Variants in ADGRE2 observed in about 807,000 individuals in gnomAD.
ADGRE2 encodes the protein CD97 antigen.
A neutral mutation model predicts 100.8 loss-of-function variants in ADGRE2; 83 were observed. The observed-to-expected ratio is 0.82, with a 90% CI of 0.69 to 0.99. ADGRE2 has a LOEUF of 0.99. Ranked by LOEUF, ADGRE2 falls within the 50% of genes least tolerant of loss-of-function variation. The probability of loss-of-function intolerance (pLI) is 0.00; values close to 1 mark genes in which losing one functional copy is unlikely to be tolerated. For missense variants in ADGRE2, 814 were observed against 1,035.7 expected (o/e 0.79, Z 2.94); for synonymous variants, 355 against 413.0 (o/e 0.86, Z 1.70).
At chr19:14,774,670 T>C (rs1201072683) in intron 2 of ADGRE2, among the ~76,000 whole-genome samples, 1 of 68,428 alleles carries the variant, frequency 1.5e-5, no homozygotes, top group African/African-American at 4.7e-5. Flanking sequence ...CGCCATATTT[T>C]AAATTTTCTT....
In ADGRE2 at chr19:14,776,710, G is replaced by GC; in HGVS notation, c.31+15dup. The GC allele has an allele frequency of 6.2e-7, 1 of 1,611,576 alleles. No individual in the cohort carries two copies. Among genetic ancestry groups the GC allele is most frequent in the East Asian group, 2.2e-5 (1 of 44,722 alleles). The stretch of plus-strand genomic sequence containing the variant: ...CTTCCTCGCTACCACCCCCAGCGGG[G>GC]CCCCAAAGTACTTACCGAGAAAGAC... On this transcript the variant is annotated intron_variant, in intron 2 of 20. Transcript: ENST00000315576.
intron 11 of ADGRE2, among the ~76,000 whole-genome samples, chr19:14,761,371 A>C (rs1599847756): frequency 6.6e-6 from 1 of 152,124 alleles, no homozygotes. Context: ...GCACCACTGC[A>C]CTCCAGCCTG....
chr19:14,766,056 C>A, intron 7 of ADGRE2, 179 bp downstream of exon 7: 5 of 1,344,208 alleles, frequency 3.7e-6, no homozygotes, highest in Non-Finnish European at 3.1e-6. Context: ...AGCCTCCCCC[C>A]TCAGTACCCC....
chr19:14,758,525 G>A (rs1350438780), intron 11 of ADGRE2, among the ~76,000 whole-genome samples: 1 of 152,202 alleles, frequency 6.6e-6, no homozygotes, highest in Admixed American at 6.5e-5. Flanking sequence ...TCACACCAGG[G>A]AAATTGAGGA....
chr19:14,751,876 C>T (rs4989749), intron 15 of ADGRE2, among the ~76,000 whole-genome samples: 57,371 of 126,964 alleles, frequency 0.45, 12,699 homozygotes, highest in African/African-American at 0.64. Flanking sequence ...TATATATATA[C>T]GTGTATATAT....
At chr19:14,727,135 C>A in the ADGRE2 span, among the ~76,000 whole-genome samples, 2 of 144,650 alleles carry the variant, frequency 1.4e-5, no homozygotes, top group African/African-American at 5.1e-5. Flanking sequence ...TCACACCATT[C>A]TCTCACTTCA....
At chr19:14,743,324 A>G in intron 20 of ADGRE2, 96 bp downstream of exon 20, 2 of 931,474 alleles carry the variant, frequency 2.1e-6, no homozygotes, top group Non-Finnish European at 3.5e-6. Context: ...TTTCTAGGGC[A>G]TTGCCTGCTG....
At chr19:14,746,394 A>G in intron 17 of ADGRE2, 71 bp from the exon 18 acceptor site, 1 of 802,240 alleles carries the variant, frequency 1.2e-6, no homozygotes, top group Non-Finnish European at 2.0e-6. Context: ...TTTTTTTCAG[A>G]CAGGGTCTTG....
downstream of ADGRE2, among the ~76,000 whole-genome samples, chr19:14,728,846 G>A (rs1488188022): frequency 6.6e-6 from 1 of 152,224 alleles, no homozygotes; most frequent in Non-Finnish European, 1.5e-5. Flanking sequence ...AGAGCACAGA[G>A]AACAAAGGAG....
chr19:14,744,314 T>A (rs1003600540), intron 18 of ADGRE2, among the ~76,000 whole-genome samples: 1 of 152,066 alleles, frequency 6.6e-6, no homozygotes, highest in Non-Finnish European at 1.5e-5. Flanking sequence ...CACAGTCTCT[T>A]CAAATCACCA....
intron 11 of ADGRE2, among the ~76,000 whole-genome samples, chr19:14,759,313 T>C (rs1839800012): frequency 6.6e-6 from 1 of 151,958 alleles, no homozygotes; most frequent in African/African-American, 2.4e-5. Flanking sequence ...GGCTGCTCGT[T>C]ATTAGAAAAG....
intron 11 of ADGRE2, among the ~76,000 whole-genome samples, chr19:14,757,630 T>G (rs990008001): frequency 6.6e-6 from 1 of 152,118 alleles, no homozygotes; most frequent in Non-Finnish European, 1.5e-5. Flanking sequence ...CAACAAATAG[T>G]GCTGGGATTA....
intron 2 of ADGRE2, chr19:14,776,354 C>T: frequency 8.2e-6 from 1 of 122,444 alleles, no homozygotes. Context: ...CCGCCCATGT[C>T]TTTCTATGCG....
At chr19:14,738,152 A>G (rs962977698) in intron 20 of ADGRE2, among the ~76,000 whole-genome samples, 5 of 152,100 alleles carry the variant, frequency 3.3e-5, no homozygotes, top group African/African-American at 7.2e-5. Context: ...GAGTGTAGCA[A>G]ATGATCACAT....
At chr19:14,760,915 T>A (rs62122622) in intron 11 of ADGRE2, among the ~76,000 whole-genome samples, 1 of 152,032 alleles carries the variant, frequency 6.6e-6, no homozygotes, top group Non-Finnish European at 1.5e-5. Context: ...CAGCCCCTTA[T>A]CGTATTCCAG....
chr19:14,769,450 C>T (rs956795201), intron 5 of ADGRE2, among the ~76,000 whole-genome samples: 5 of 151,948 alleles, frequency 3.3e-5, no homozygotes, highest in African/African-American at 4.8e-5. Flanking sequence ...CCTGTGACAC[C>T]AGGTAGACAA....
chr19:14,746,371 ATC>A (rs768940181), intron 17 of ADGRE2, 48 bp from the exon 18 acceptor site: 5 of 963,880 alleles, frequency 5.2e-6, no homozygotes, highest in East Asian at 5.0e-5. Context: ...GAAACCTGTT[ATC>A]TCTTTTTTTT....
chr19:14,760,192 C>T (rs556579262), intron 11 of ADGRE2, among the ~76,000 whole-genome samples: 1 of 152,218 alleles, frequency 6.6e-6, no homozygotes, highest in South Asian at 2.1e-4. Context: ...AAAGTAGTTA[C>T]AAAAGAGGAC....
chr19:14,756,365 C>T lies in ADGRE2; in HGVS notation c.1085-20G>A, dbSNP rs2147284893. ...ACAATTCTATGAGTTGTGGGAATTACATAAGGGGGGTTAGGTTAGGAATCG... is the reference window on the plus strand; with the variant it reads ...ACAATTCTATGAGTTGTGGGAATTATATAAGGGGGGTTAGGTTAGGAATCG... On this transcript the variant is annotated intron_variant, in intron 11 of 20. Coordinates refer to ENST00000315576, the MANE Select transcript of ADGRE2 (RefSeq NM_013447.4). The T allele has an allele frequency of 1.9e-6, 3 of 1,577,928 alleles. No homozygotes were observed. Among genetic ancestry groups the T allele is most frequent in the Non-Finnish European group, 2.6e-6 (3 of 1,147,220 alleles).
Sources: gnomAD v4.1 joint callset for allele counts (sites outside exome capture counted in the v4.1 genomes callset) on GRCh38, gnomAD v4.1.1 for gene constraint, MANE v1.5 for transcripts, NCBI Gene and HGNC (gene_info 2026-07-23, HGNC 2026-07-21) for gene names.